Variants in KLF8 observed in about 807,000 individuals in gnomAD.
The protein encoded by KLF8 is Krueppel-like factor 8.
Under a neutral mutation model 18.2 loss-of-function variants are expected in KLF8, and 10 were observed. The ratio of observed to expected loss-of-function variants is 0.55; its 90% CI spans 0.34 to 0.93. The LOEUF (loss-of-function observed/expected upper bound fraction) is 0.93. KLF8 is among the 40% of genes least tolerant of loss of function. KLF8 has a pLI of 0.02. For missense variants in KLF8, 264 were observed against 277.9 expected (o/e 0.95, Z 0.36); for synonymous variants, 109 against 97.3 (o/e 1.12, Z -0.71).
the KLF8 span, among the ~76,000 whole-genome samples, chrX:55,974,170 A>G: frequency 1.8e-5 from 2 of 111,197 alleles, no homozygotes; most frequent in African/African-American, 3.3e-5. Flanking sequence ...AATTGTAGAC[A>G]CCAGAACCTA....
chrX:56,053,287 T>C, the KLF8 span, among the ~76,000 whole-genome samples: 42 of 111,980 alleles, frequency 3.8e-4, no homozygotes, highest in African/African-American at 1.3e-3. Context: ...CCCCTATTTT[T>C]TGTTTTGTTT....
At chrX:56,166,984 A>T in the KLF8 span, among the ~76,000 whole-genome samples, 15 of 111,831 alleles carry the variant, frequency 1.3e-4, no homozygotes, top group African/African-American at 4.5e-4. Flanking sequence ...GTTTGGAAAC[A>T]TGATGTGTGC....
At chrX:56,018,787 ATG>A in the KLF8 span, among the ~76,000 whole-genome samples, 3 of 109,953 alleles carry the variant, frequency 2.7e-5, no homozygotes, top group Admixed American at 3.0e-4. Flanking sequence ...ATTTGTTTGT[ATG>A]TGTGTGTGTG....
At chrX:56,274,780 A>G (rs1338734807) in intron 5 of KLF8, among the ~76,000 whole-genome samples, 3 of 111,763 alleles carry the variant, frequency 2.7e-5, no homozygotes. Flanking sequence ...CCAATGTATG[A>G]TCTCAGCACC....
chrX:55,995,063 T>A, the KLF8 span, among the ~76,000 whole-genome samples: 2 of 112,145 alleles, frequency 1.8e-5, no homozygotes, highest in African/African-American at 6.5e-5. Flanking sequence ...CTCCAAGAAC[T>A]TGTTTTGTGC....
chrX:56,017,299 A>T, the KLF8 span, among the ~76,000 whole-genome samples: 1 of 112,338 alleles, frequency 8.9e-6, no homozygotes, highest in African/African-American at 3.2e-5. Flanking sequence ...TAAGAGAAGT[A>T]AGGTAGGCTT....
At chrX:55,929,762 T>C in the KLF8 span, among the ~76,000 whole-genome samples, 7 of 111,441 alleles carry the variant, frequency 6.3e-5, no homozygotes, top group South Asian at 2.7e-3. Flanking sequence ...GGCGTTTTGG[T>C]TACTGTAGCC....
At chrX:56,092,781 C>G in the KLF8 span, among the ~76,000 whole-genome samples, 1 of 107,623 alleles carries the variant, frequency 9.3e-6, no homozygotes, top group African/African-American at 3.4e-5. Context: ...TCAAAGGGCT[C>G]TAATGGAAAA....
At chrX:55,908,747 C>T in the KLF8 span, 1 of 285,880 alleles carries the variant, frequency 3.5e-6, no homozygotes. Context: ...GCCCCGTCGG[C>T]CCAGGCCCCG....
the KLF8 span, among the ~76,000 whole-genome samples, chrX:56,172,140 G>A: frequency 9.1e-6 from 1 of 109,515 alleles, no homozygotes; most frequent in South Asian, 3.9e-4. Context: ...AAGTTTTAGG[G>A]TACAGGTGTA....
At chrX:56,096,148 A>G in the KLF8 span, among the ~76,000 whole-genome samples, 2 of 107,148 alleles carry the variant, frequency 1.9e-5, no homozygotes, top group African/African-American at 3.8e-5. Context: ...TTGCAGCAAC[A>G]TGGATGGAAC....
chrX:55,949,821 CAA>C, the KLF8 span, among the ~76,000 whole-genome samples: 1 of 109,347 alleles, frequency 9.1e-6, no homozygotes, highest in East Asian at 2.9e-4. Context: ...GAAAAGAAAA[CAA>C]GAAGCTTTAG....
At chrX:55,951,996 C>T in the KLF8 span, among the ~76,000 whole-genome samples, 1 of 111,894 alleles carries the variant, frequency 8.9e-6, no homozygotes, top group African/African-American at 3.3e-5. Flanking sequence ...TTGTTTATAC[C>T]CTGGCTGAGT....
At chrX:56,019,929 C>G in the KLF8 span, among the ~76,000 whole-genome samples, 1 of 111,618 alleles carries the variant, frequency 9.0e-6, no homozygotes, top group Non-Finnish European at 1.9e-5. Flanking sequence ...TCTACCTAAA[C>G]TCAAACCTTA....
the KLF8 span, among the ~76,000 whole-genome samples, chrX:56,172,359 T>C: frequency 9.0e-6 from 1 of 111,241 alleles, no homozygotes; most frequent in Non-Finnish European, 1.9e-5. Context: ...ATGCACTGTT[T>C]GGTTTTTTGT....
At chrX:56,006,445 G>A in the KLF8 span, among the ~76,000 whole-genome samples, 1 of 111,781 alleles carries the variant, frequency 8.9e-6, no homozygotes, top group African/African-American at 3.3e-5. Context: ...CATTCTCAAG[G>A]CTTCACTCTG....
the KLF8 span, among the ~76,000 whole-genome samples, chrX:56,081,173 G>A: frequency 3.6e-5 from 4 of 111,693 alleles, no homozygotes; most frequent in Non-Finnish European, 5.6e-5. Flanking sequence ...ATCCATCTTT[G>A]TTCTGTTGCT....
At chrX:55,947,327 G>T in the KLF8 span, among the ~76,000 whole-genome samples, 2 of 109,868 alleles carry the variant, frequency 1.8e-5, no homozygotes, top group Non-Finnish European at 3.8e-5. Context: ...ATGAGTTCAT[G>T]TCCTTTGTAG....
the KLF8 span, among the ~76,000 whole-genome samples, chrX:56,205,342 G>A: frequency 1.0e-3 from 115 of 111,501 alleles, no homozygotes; most frequent in African/African-American, 3.6e-3. Flanking sequence ...ATTTCATTAT[G>A]GGAAGATTTA....
Sources: gnomAD v4.1 joint callset for allele counts (sites outside exome capture counted in the v4.1 genomes callset) on GRCh38, gnomAD v4.1.1 for gene constraint, MANE v1.5 for transcripts, NCBI Gene and HGNC (gene_info 2026-07-23, HGNC 2026-07-21) for gene names.